The following FRMD5 variants were observed in gnomAD, a reference collection of about 807,000 sequenced individuals.
The protein encoded by FRMD5 is FERM domain containing 5, also known as FERM domain-containing protein 5.
Under a neutral mutation model 69.0 loss-of-function variants are expected in FRMD5, and 20 were observed. The ratio of observed to expected loss-of-function variants is 0.29; its 90% CI spans 0.20 to 0.42. FRMD5 has a LOEUF of 0.42. Ranked by LOEUF, FRMD5 falls within the 10% of genes least tolerant of loss-of-function variation. The pLI, the probability that FRMD5 is intolerant of heterozygous loss-of-function variation, is 1.00. For missense variants in FRMD5, 595 were observed against 708.6 expected (o/e 0.84, Z 1.82); for synonymous variants, 271 against 260.1 (o/e 1.04, Z -0.40).
chr15:43,886,582 A>G (rs1272759480), intron 10 of FRMD5, among the ~76,000 whole-genome samples: 1 of 152,202 alleles, frequency 6.6e-6, no homozygotes, highest in African/African-American at 2.4e-5. Context: ...CCAGGTGCCT[A>G]TGGTACTGAT....
chr15:43,995,224 T>C lies in FRMD5; in HGVS notation c.103-70915A>G, dbSNP rs577642283. On this transcript the variant is annotated intron_variant, in intron 1 of 13. Coordinates refer to ENST00000417257, the MANE Select transcript of FRMD5 (RefSeq NM_032892.5). ...AGTACCTAATACAAAGTAAATGCTATGTAAATAGCTGTTATGCTGTATTGT... is the reference window on the plus strand; with the variant it reads ...AGTACCTAATACAAAGTAAATGCTACGTAAATAGCTGTTATGCTGTATTGT... 1.8e-4 allele frequency among the ~76,000 whole-genome samples: 28 copies of C among 152,342 alleles called. 1 individual carries two copies. In the South Asian group the frequency reaches 2.3e-3, roughly 12 times the overall value.
chr15:44,181,842 A>G (rs928223897), intron 1 of FRMD5, among the ~76,000 whole-genome samples: 4 of 152,086 alleles, frequency 2.6e-5, no homozygotes, highest in African/African-American at 4.8e-5. Flanking sequence ...GTTCGAGGGT[A>G]AAGTGGGCCA....
intron 13 of FRMD5, among the ~76,000 whole-genome samples, chr15:43,879,319 C>T (rs541341588): frequency 6.6e-6 from 1 of 152,286 alleles, no homozygotes; most frequent in South Asian, 2.1e-4. Flanking sequence ...CAGAAGATCT[C>T]ACCTGTAAGG....
chr15:44,061,950 A>G (rs1893105893), intron 1 of FRMD5, among the ~76,000 whole-genome samples: 2 of 152,204 alleles, frequency 1.3e-5, no homozygotes, highest in African/African-American at 4.8e-5. Flanking sequence ...GGGACAGTTC[A>G]TTCTTCCTGA....
At chr15:44,025,796 C>G (rs982642756) in intron 1 of FRMD5, among the ~76,000 whole-genome samples, 6 of 152,164 alleles carry the variant, frequency 3.9e-5, no homozygotes, top group African/African-American at 1.4e-4. Flanking sequence ...TCTTGAGAGC[C>G]AGGCTTGGTG....
chr15:44,045,126 C>T (rs1892372848), intron 1 of FRMD5, among the ~76,000 whole-genome samples: 1 of 152,214 alleles, frequency 6.6e-6, no homozygotes, highest in Non-Finnish European at 1.5e-5. Flanking sequence ...CTCCTTCCTA[C>T]ACTCACAAGT....
chr15:43,926,590 A>C (rs891384960), intron 1 of FRMD5, among the ~76,000 whole-genome samples: 1 of 152,098 alleles, frequency 6.6e-6, no homozygotes, highest in African/African-American at 2.4e-5. Flanking sequence ...AAGGAGAACT[A>C]GGGCAGGATG....
At chr15:44,102,548 T>C (rs184356261) in intron 1 of FRMD5, among the ~76,000 whole-genome samples, 3 of 152,294 alleles carry the variant, frequency 2.0e-5, no homozygotes, top group East Asian at 1.9e-4. Flanking sequence ...TACTCTTCCA[T>C]AGGAAAAGGA....
At chr15:44,021,051 G>C (rs530126796) in intron 1 of FRMD5, among the ~76,000 whole-genome samples, 2 of 152,144 alleles carry the variant, frequency 1.3e-5, no homozygotes, top group African/African-American at 4.8e-5. Flanking sequence ...CACTTTAGGA[G>C]GCCAAGGCAG....
intron 7 of FRMD5, among the ~76,000 whole-genome samples, chr15:43,900,184 A>G (rs1329023787): frequency 1.3e-5 from 2 of 152,170 alleles, no homozygotes; most frequent in Admixed American, 1.3e-4. Flanking sequence ...GGCTCAGAGA[A>G]GCTCCCAAAG....
At chr15:43,961,825 GCAGA>G (rs1473919571) in intron 1 of FRMD5, among the ~76,000 whole-genome samples, 2 of 152,156 alleles carry the variant, frequency 1.3e-5, no homozygotes, top group African/African-American at 4.8e-5. Context: ...CTCAATAGAT[GCAGA>G]AAAGGCCTTT....
At chr15:44,176,942 AAAAG>A (rs1211004151) in intron 1 of FRMD5, among the ~76,000 whole-genome samples, 1 of 145,966 alleles carries the variant, frequency 6.9e-6, no homozygotes. Context: ...AATAATAAAA[AAAAG>A]AAAGTTCATA....
intron 2 of FRMD5, among the ~76,000 whole-genome samples, chr15:43,920,920 G>A (rs577771636): frequency 2.2e-4 from 34 of 152,196 alleles, no homozygotes; most frequent in Non-Finnish European, 4.7e-4. Flanking sequence ...GATTCCCAGT[G>A]ATCACCTTCT....
At chr15:43,952,898 T>C (rs888644016) in intron 1 of FRMD5, among the ~76,000 whole-genome samples, 1 of 152,288 alleles carries the variant, frequency 6.6e-6, no homozygotes, top group African/African-American at 2.4e-5. Flanking sequence ...GAAAGCAGAA[T>C]TGAGAAAAAA....
At chr15:43,893,394 T>G (rs942024082) in intron 7 of FRMD5, among the ~76,000 whole-genome samples, 19 of 152,118 alleles carry the variant, frequency 1.2e-4, no homozygotes, top group Non-Finnish European at 2.4e-4. Flanking sequence ...TTGAACATAG[T>G]GGGGAGCGGG....
At chr15:43,955,561 T>C (rs1018436974) in intron 1 of FRMD5, among the ~76,000 whole-genome samples, 3 of 152,204 alleles carry the variant, frequency 2.0e-5, no homozygotes, top group African/African-American at 7.2e-5. Context: ...TATGGAGAAG[T>C]TGATGAAAGC....
chr15:44,137,670 A>T (rs148076268), intron 1 of FRMD5, among the ~76,000 whole-genome samples: 2,634 of 152,266 alleles, frequency 0.017, 30 homozygotes, highest in Middle Eastern at 0.044. Flanking sequence ...ACAATAAATT[A>T]TATGATTATA....
chr15:43,880,566 A>T (rs1274523391), intron 13 of FRMD5, among the ~76,000 whole-genome samples: 1 of 152,130 alleles, frequency 6.6e-6, no homozygotes, highest in African/African-American at 2.4e-5. Context: ...TTATTTCCAC[A>T]TCCAAACCTG....
At chr15:44,090,715 T>C (rs148251945) in intron 1 of FRMD5, among the ~76,000 whole-genome samples, 6 of 152,244 alleles carry the variant, frequency 3.9e-5, no homozygotes, top group African/African-American at 1.2e-4. Context: ...GCTGGGATTA[T>C]AGGCGTGAGC....
Sources: gnomAD v4.1 joint callset for allele counts (sites outside exome capture counted in the v4.1 genomes callset) on GRCh38, gnomAD v4.1.1 for gene constraint, MANE v1.5 for transcripts, NCBI Gene and HGNC (gene_info 2026-07-23, HGNC 2026-07-21) for gene names.